RETREG1: variants seen among roughly 807,000 people sequenced by gnomAD.
RETREG1 encodes reticulophagy regulator 1, also known as family with sequence similarity 134 member B.
Under a neutral mutation model 54.8 loss-of-function variants are expected in RETREG1, and 44 were observed. The observed-to-expected ratio is 0.80, with a 90% confidence interval of 0.63 to 1.03. RETREG1 has a LOEUF of 1.03. Among genes scored for constraint, RETREG1 ranks in the 50% least tolerant of loss-of-function variants. The probability of loss-of-function intolerance (pLI) is 0.00; values close to 1 mark genes in which losing one functional copy is unlikely to be tolerated. For missense variants in RETREG1, 554 were observed against 605.1 expected (o/e 0.92, Z 0.89); for synonymous variants, 217 against 238.5 (o/e 0.91, Z 0.83).
At chr5:16,492,253 C>CACACA (rs201203055) in intron 3 of RETREG1, among the ~76,000 whole-genome samples, 17 of 140,238 alleles carry the variant, frequency 1.2e-4, no homozygotes, top group South Asian at 4.5e-4. Flanking sequence ...ACACACACAC[C>CACACA]ATTCTTGTTA....
At chr5:16,521,246 C>T (rs952211119) in intron 3 of RETREG1, among the ~76,000 whole-genome samples, 1 of 152,138 alleles carries the variant, frequency 6.6e-6, no homozygotes, top group African/African-American at 2.4e-5. Context: ...TTCTTCTCCC[C>T]TCCCATCCTA....
intron 4 of RETREG1, 102 bp downstream of exon 4, chr5:16,483,244 A>T: frequency 7.4e-7 from 1 of 1,352,056 alleles, no homozygotes; most frequent in Non-Finnish European, 1.1e-6. Flanking sequence ...AGTATATTAT[A>T]TTTAAAATTG....
chr5:16,508,990 T>C (rs1740079921), intron 3 of RETREG1: 1 of 1,026,380 alleles, frequency 9.7e-7, no homozygotes, highest in Admixed American at 5.3e-5. Context: ...CCAGTAACCT[T>C]CATTGGATGA....
intron 3 of RETREG1, among the ~76,000 whole-genome samples, chr5:16,556,796 A>G (rs6887114): frequency 0.066 from 10,076 of 152,130 alleles, 1,068 homozygotes; most frequent in African/African-American, 0.23. Flanking sequence ...CACCCTCATC[A>G]ACAGAGCAAC....
chr5:16,528,526 C>T (rs1448477159), intron 3 of RETREG1, among the ~76,000 whole-genome samples: 5 of 152,044 alleles, frequency 3.3e-5, no homozygotes, highest in Non-Finnish European at 5.9e-5. Context: ...TCTTCAGGAG[C>T]AAAAGAAAGA....
At chr5:16,581,637 G>A (rs568962411) in intron 1 of RETREG1, among the ~76,000 whole-genome samples, 1 of 151,562 alleles carries the variant, frequency 6.6e-6, no homozygotes, top group East Asian at 1.9e-4. Flanking sequence ...CACATCAATG[G>A]ATCCTAGAAC....
chr5:16,567,574 C>G (rs945646579), intron 2 of RETREG1, among the ~76,000 whole-genome samples: 10 of 152,188 alleles, frequency 6.6e-5, no homozygotes, highest in African/African-American at 2.4e-4. Context: ...GCAGTGGTTA[C>G]AGATGCTCCA....
chr5:16,478,784 T>A, intron 6 of RETREG1, 66 bp downstream of exon 6: 2 of 1,475,374 alleles, frequency 1.4e-6, no homozygotes, highest in Non-Finnish European at 1.9e-6. Flanking sequence ...TATTAAAGAA[T>A]TTCCTAAAAA....
intron 1 of RETREG1, among the ~76,000 whole-genome samples, chr5:16,590,853 C>CAA (rs1291631451): frequency 7.9e-5 from 12 of 151,016 alleles, no homozygotes; most frequent in Admixed American, 7.9e-4. Context: ...CATGCACACA[C>CAA]AAAAAACACA....
intron 1 of RETREG1, among the ~76,000 whole-genome samples, chr5:16,591,789 G>A (rs976390248): frequency 2.6e-5 from 4 of 152,104 alleles, no homozygotes; most frequent in African/African-American, 7.2e-5. Context: ...GACTTCCAGC[G>A]CCATATTTAC....
chr5:16,510,156 A>G (rs1323933038), intron 3 of RETREG1, among the ~76,000 whole-genome samples: 2 of 152,250 alleles, frequency 1.3e-5, no homozygotes, highest in East Asian at 3.8e-4. Context: ...AGAAATGTCA[A>G]AACAAATAAT....
intron 3 of RETREG1, among the ~76,000 whole-genome samples, chr5:16,511,301 G>C (rs1295400922): frequency 6.6e-6 from 1 of 152,148 alleles, no homozygotes; most frequent in African/African-American, 2.4e-5. Context: ...TCAGCCCCAC[G>C]ATCAAGAGGG....
chr5:16,520,464 G>A (rs1740498972), intron 3 of RETREG1, among the ~76,000 whole-genome samples: 1 of 151,988 alleles, frequency 6.6e-6, no homozygotes, highest in Admixed American at 6.6e-5. Flanking sequence ...CGAGTAGCGG[G>A]GATTACAGGC....
At chr5:16,566,943 A>G (rs1041824416) in intron 2 of RETREG1, among the ~76,000 whole-genome samples, 2 of 152,258 alleles carry the variant, frequency 1.3e-5, no homozygotes, top group Non-Finnish European at 2.9e-5. Flanking sequence ...GGAAAGCATC[A>G]GCTCAGCTTG....
chr5:16,543,805 T>C (rs1370475131), intron 3 of RETREG1, among the ~76,000 whole-genome samples: 1 of 152,142 alleles, frequency 6.6e-6, no homozygotes, highest in East Asian at 1.9e-4. Flanking sequence ...ATGGTCAGTC[T>C]TTTTTCCATT....
chr5:16,562,143 C>A (rs1333183582), intron 3 of RETREG1, among the ~76,000 whole-genome samples: 1 of 152,072 alleles, frequency 6.6e-6, no homozygotes, highest in Non-Finnish European at 1.5e-5. Flanking sequence ...TGGAGAAACC[C>A]CATCTCTAGT....
Position 16,614,573 on chromosome 5 carries a change from A to C in RETREG1, c.320+2079T>G, listed in dbSNP as rs570100234. Among the ~76,000 whole-genome samples, 6 of 152,302 alleles carry C rather than the reference A, an allele frequency of 3.9e-5. No individual in the cohort carries two copies. In the East Asian group the frequency reaches 1.2e-3, roughly 29 times the overall value. On this transcript the variant is annotated intron_variant, in intron 1 of 8. Coordinates refer to ENST00000306320, the MANE Select transcript of RETREG1 (RefSeq NM_001034850.3). ...TCATACACATTGCTGGTGGGAGTAT[A>C]AATTGTTAGAACCCTAAGGAGCTGC...
intron 3 of RETREG1, among the ~76,000 whole-genome samples, chr5:16,488,924 A>G (rs574896982): frequency 5.3e-5 from 8 of 152,102 alleles, no homozygotes; most frequent in Non-Finnish European, 8.8e-5. Context: ...CGCTACTAAA[A>G]GTACAAAAAT....
intron 1 of RETREG1, among the ~76,000 whole-genome samples, chr5:16,615,704 C>A (rs1242913123): frequency 6.6e-6 from 1 of 152,116 alleles, no homozygotes; most frequent in Non-Finnish European, 1.5e-5. Context: ...GGAAAATATT[C>A]ATCTTGCTCA....
Sources: allele counts gnomAD v4.1 joint callset (sites outside exome capture counted in the v4.1 genomes callset), GRCh38; gene constraint gnomAD v4.1.1; transcripts MANE v1.5; gene names NCBI Gene and HGNC (gene_info 2026-07-23, HGNC 2026-07-21).